The following FYB2 variants were observed in gnomAD, a reference collection of about 807,000 sequenced individuals.
FYB2 encodes the protein FYN-binding protein 2.
A neutral mutation model predicts 94.1 loss-of-function variants in FYB2; 103 were observed. That is an observed-to-expected ratio of 1.09 (90% CI 0.93 to 1.29). The LOEUF (loss-of-function observed/expected upper bound fraction) is 1.29. Ranked by LOEUF, FYB2 falls within the 50% of genes most tolerant of loss-of-function variation. FYB2 has a pLI of 0.00. For missense variants in FYB2, 896 were observed against 841.5 expected (o/e 1.06, Z -0.80); for synonymous variants, 293 against 287.9 (o/e 1.02, Z -0.18).
intron 3 of FYB2, among the ~76,000 whole-genome samples, chr1:56,788,126 A>G (rs1646173897): frequency 6.6e-6 from 1 of 152,212 alleles, no homozygotes; most frequent in South Asian, 2.1e-4. Flanking sequence ...CCAGCAATCT[A>G]TGTTTTAAAA....
chr1:56,817,897 A>G (rs1326703332), intron 1 of FYB2, among the ~76,000 whole-genome samples: 1 of 152,198 alleles, frequency 6.6e-6, no homozygotes, highest in African/African-American at 2.4e-5. Flanking sequence ...GTTGGCACTG[A>G]CACATGTAAG....
chr1:56,729,019 A>G (rs1257027047), intron 15 of FYB2, among the ~76,000 whole-genome samples: 1 of 152,156 alleles, frequency 6.6e-6, no homozygotes, highest in Non-Finnish European at 1.5e-5. Flanking sequence ...AGGAACTCCA[A>G]GTAGTACAGT....
chr1:56,819,323 G>T lies in FYB2; in HGVS notation c.-33C>A. ...CTCCAAGGCAGAGTCAGGGAAACAAGCCCAGCCTCTCAGAGCTGGGTCCTG... is the reference window on the plus strand; with the variant it reads ...CTCCAAGGCAGAGTCAGGGAAACAATCCCAGCCTCTCAGAGCTGGGTCCTG... On this transcript the variant is annotated 5_prime_UTR_variant, in exon 1 of 20. Coordinates refer to ENST00000343433, the MANE Select transcript of FYB2 (RefSeq NM_001004303.5). 1 of 1,613,984 alleles carries T rather than the reference G, an allele frequency of 6.2e-7. No homozygotes were observed. Among genetic ancestry groups the T allele is most frequent in the Non-Finnish European group, 8.5e-7 (1 of 1,179,996 alleles).
chr1:56,767,917 T>G lies in FYB2; in HGVS notation c.975A>C (p.Glu325Asp). Residue 325 changes from glutamate to aspartate, a missense_variant, in exon 5 of 20, where the codon GAA (glutamate) becomes GAC (aspartate). Transcript: ENST00000343433. Reference sequence around the variant, plus strand: ...TTGTTGCCTCGTAATTATGTGGTTCTTCAAATTCTGCATTGAAAAGCCTGG... The same window carrying G: ...TTGTTGCCTCGTAATTATGTGGTTCGTCAAATTCTGCATTGAAAAGCCTGG... Reference protein sequence around the residue: ...SPERLFNAEFEEPHNYEATIS... With the variant: ...SPERLFNAEFDEPHNYEATIS... The G allele has an allele frequency of 6.2e-7, 1 of 1,608,192 alleles. No homozygotes were observed. Among genetic ancestry groups the G allele is most frequent in the Non-Finnish European group, 8.5e-7 (1 of 1,177,848 alleles).
At chr1:56,785,130 C>T (rs535875671) in intron 4 of FYB2, among the ~76,000 whole-genome samples, 4 of 152,144 alleles carry the variant, frequency 2.6e-5, no homozygotes, top group Non-Finnish European at 1.5e-5. Flanking sequence ...GAAGATGGTG[C>T]CATGTGGAGA....
intron 8 of FYB2, among the ~76,000 whole-genome samples, chr1:56,752,184 G>A (rs1186089804): frequency 1.3e-5 from 2 of 151,946 alleles, no homozygotes; most frequent in Admixed American, 6.6e-5. Context: ...GAATAGGGCT[G>A]AGTTATGAAG....
intron 9 of FYB2, among the ~76,000 whole-genome samples, chr1:56,747,350 A>G (rs1259669303): frequency 1.3e-5 from 2 of 151,642 alleles, no homozygotes; most frequent in Admixed American, 1.3e-4. Context: ...TCAACTCGTC[A>G]TCTAGGTTTT....
At chr1:56,743,229 C>A (rs1644995137) in intron 11 of FYB2, among the ~76,000 whole-genome samples, 1 of 152,014 alleles carries the variant, frequency 6.6e-6, no homozygotes, top group Non-Finnish European at 1.5e-5. Flanking sequence ...TTCATGAATT[C>A]CTTCATTCAA....
intron 1 of FYB2, among the ~76,000 whole-genome samples, chr1:56,807,368 A>T (rs1646671693): frequency 6.6e-6 from 1 of 152,190 alleles, no homozygotes; most frequent in Non-Finnish European, 1.5e-5. Flanking sequence ...TGCATGAAGA[A>T]ACAGTAAAAG....
chr1:56,741,372 G>T (rs956962698), intron 12 of FYB2, among the ~76,000 whole-genome samples: 15 of 152,030 alleles, frequency 9.9e-5, no homozygotes, highest in South Asian at 4.1e-4. Flanking sequence ...TTTACAAACT[G>T]TGCTAGAAAT....
intron 1 of FYB2, among the ~76,000 whole-genome samples, chr1:56,800,483 A>T (rs34494963): frequency 0.011 from 1,691 of 152,232 alleles, 17 homozygotes; most frequent in Non-Finnish European, 0.016. Context: ...AAAAATAAAT[A>T]AATTAATTAA....
intron 7 of FYB2, among the ~76,000 whole-genome samples, chr1:56,755,687 G>A (rs1378541304): frequency 6.6e-6 from 1 of 152,118 alleles, no homozygotes; most frequent in East Asian, 1.9e-4. Context: ...TGTTTGCTGA[G>A]TGCAGCATGG....
intron 5 of FYB2, among the ~76,000 whole-genome samples, chr1:56,762,319 C>T (rs900676968): frequency 3.3e-5 from 5 of 152,068 alleles, no homozygotes; most frequent in Admixed American, 2.6e-4. Flanking sequence ...AGATAATTGA[C>T]ATTTTTACTG....
chr1:56,756,212 G>A lies in FYB2; in HGVS notation c.1099-285C>T, dbSNP rs2298128. Among the ~76,000 whole-genome samples, 851 of 152,230 alleles carry A rather than the reference G, an allele frequency of 5.6e-3. 26 individuals carry two copies. The East Asian group carries it at 0.1, about 18-fold the overall frequency. ...ATGCACACCTTTCCCAAAATGCATC[G>A]GAAACGTAAATAACTTCTAAATCCT... On this transcript the variant is annotated intron_variant, in intron 6 of 19. Coordinates refer to ENST00000343433, the MANE Select transcript of FYB2 (RefSeq NM_001004303.5).
chr1:56,750,260 G>C (rs528770569), intron 9 of FYB2, among the ~76,000 whole-genome samples: 9 of 152,018 alleles, frequency 5.9e-5, no homozygotes, highest in Non-Finnish European at 1.3e-4. Flanking sequence ...TTGACAAATA[G>C]CCTTAGGAAA....
At position 56,779,867 on chromosome 1, in the gene FYB2, A is replaced by G. The variant is rs1309117129; in HGVS notation, c.953+7308T>C. ...CTGAGTCAGAATAACGTAGCTGAAA[A>G]TCTTTAATTTGGTTCTGAGTTCATA... On this transcript the variant is annotated intron_variant, in intron 4 of 19. Transcript: ENST00000343433. 2.0e-5 allele frequency among the ~76,000 whole-genome samples: 3 copies of G among 152,190 alleles called. No homozygotes were observed. In the East Asian group the frequency reaches 5.8e-4, roughly 29 times the overall value.
chr1:56,794,094 G>A (rs566095401), intron 1 of FYB2, among the ~76,000 whole-genome samples: 3 of 152,280 alleles, frequency 2.0e-5, no homozygotes, highest in South Asian at 2.1e-4. Context: ...GCTAGATGAC[G>A]CTCTTGCATT....
At position 56,751,134 on chromosome 1, in the gene FYB2, A is replaced by G. The variant is rs1409426524; in HGVS notation, c.1297T>C (p.Leu433=). 1.9e-6 allele frequency: 3 copies of G among 1,612,842 alleles called. No individual in the cohort carries two copies. The highest frequency in any genetic ancestry group is 8.5e-7 in the Non-Finnish European group (1 of 1,179,258). Residue 433 remains leucine (L), a synonymous_variant, in exon 9 of 20, where the codon TTG becomes CTG. Coordinates refer to ENST00000343433, the MANE Select transcript of FYB2 (RefSeq NM_001004303.5). ...TNVHTGRRNM[L]AGKQEAMIDI... ...ATCATGGCCTCTTGCTTTCCAGCCA[A>G]CATGTTCCTTCTACCTGTGTGGACG...
intron 15 of FYB2, among the ~76,000 whole-genome samples, chr1:56,727,946 A>T (rs1644618235): frequency 6.6e-6 from 1 of 152,114 alleles, no homozygotes; most frequent in Non-Finnish European, 1.5e-5. Flanking sequence ...AGGAGCTCAA[A>T]GTGCAGTGTG....
Sources: gnomAD v4.1 joint callset for allele counts (sites outside exome capture counted in the v4.1 genomes callset) on GRCh38, gnomAD v4.1.1 for gene constraint, MANE v1.5 for transcripts, NCBI Gene and HGNC (gene_info 2026-07-23, HGNC 2026-07-21) for gene names.